The following CADPS2 variants were observed in gnomAD, a reference collection of about 807,000 sequenced individuals.
CADPS2 encodes the protein calcium dependent secretion activator 2, also known as calcium-dependent secretion activator 2.
A neutral mutation model predicts 172.5 loss-of-function variants in CADPS2; 93 were observed. The ratio of observed to expected loss-of-function variants is 0.54; its 90% confidence interval spans 0.46 to 0.64. The LOEUF is 0.64. Among genes scored for constraint, CADPS2 ranks in the 30% least tolerant of loss-of-function variants. The pLI, the probability that CADPS2 is intolerant of heterozygous loss-of-function variation, is 0.00. For missense variants in CADPS2, 1,420 were observed against 1,565.9 expected (o/e 0.91, Z 1.57); for synonymous variants, 546 against 555.2 (o/e 0.98, Z 0.23).
At chr7:122,579,909 A>C (rs1293594707) in intron 7 of CADPS2, among the ~76,000 whole-genome samples, 1 of 152,032 alleles carries the variant, frequency 6.6e-6, no homozygotes, top group Non-Finnish European at 1.5e-5. Context: ...ACAGACTTAC[A>C]AATCCCTAGA....
At chr7:122,880,375 T>C (rs1359004007) in intron 1 of CADPS2, among the ~76,000 whole-genome samples, 1 of 152,212 alleles carries the variant, frequency 6.6e-6, no homozygotes, top group Non-Finnish European at 1.5e-5. Context: ...TAAGTCTAAA[T>C]AAATATGCAC....
intron 1 of CADPS2, among the ~76,000 whole-genome samples, chr7:122,868,062 T>A (rs1400323260): frequency 2.0e-5 from 3 of 152,094 alleles, no homozygotes; most frequent in African/African-American, 7.2e-5. Flanking sequence ...CACTTCTTGA[T>A]CTTTCTTCTC....
At chr7:122,634,191 A>G (rs1428667362) in intron 3 of CADPS2, among the ~76,000 whole-genome samples, 3 of 152,034 alleles carry the variant, frequency 2.0e-5, no homozygotes, top group Non-Finnish European at 2.9e-5. Flanking sequence ...GCTTTGTAGG[A>G]TGAGTTAGGG....
intron 1 of CADPS2, among the ~76,000 whole-genome samples, chr7:122,739,419 A>G (rs1307241627): frequency 6.6e-6 from 1 of 152,168 alleles, no homozygotes; most frequent in Non-Finnish European, 1.5e-5. Flanking sequence ...CAATTTCTAC[A>G]TCATTAGTAT....
intron 2 of CADPS2, among the ~76,000 whole-genome samples, chr7:122,727,455 T>C (rs779675099): frequency 6.6e-6 from 1 of 151,608 alleles, no homozygotes; most frequent in Non-Finnish European, 1.5e-5. Context: ...CCTATATAGA[T>C]GTACTATCCT....
At chr7:122,438,319 G>C in intron 17 of CADPS2, 22 bp downstream of exon 17, 1 of 1,611,866 alleles carries the variant, frequency 6.2e-7, no homozygotes. Context: ...CTGCCACTTC[G>C]ACAATTGCTC....
intron 1 of CADPS2, among the ~76,000 whole-genome samples, chr7:122,814,007 G>A (rs1161974855): frequency 2.6e-5 from 4 of 151,938 alleles, no homozygotes; most frequent in African/African-American, 4.8e-5. Context: ...ATACAAGGAC[G>A]TAAGGGCAAA....
intron 1 of CADPS2, among the ~76,000 whole-genome samples, chr7:122,780,057 C>T (rs1792276445): frequency 6.6e-6 from 1 of 152,036 alleles, no homozygotes; most frequent in African/African-American, 2.4e-5. Context: ...TTGGTTCTTT[C>T]CATAATTTTA....
intron 15 of CADPS2, among the ~76,000 whole-genome samples, chr7:122,446,684 C>T (rs151259454): frequency 7.8e-4 from 119 of 152,274 alleles, no homozygotes; most frequent in Non-Finnish European, 1.3e-3. Flanking sequence ...GAATCATTTG[C>T]AAATAGCTGT....
intron 17 of CADPS2, among the ~76,000 whole-genome samples, chr7:122,427,985 G>A (rs760615899): frequency 8.6e-5 from 13 of 151,850 alleles, no homozygotes; most frequent in Non-Finnish European, 1.5e-4. Context: ...ATAAAGTTTC[G>A]CATGTTTTTA....
intron 1 of CADPS2, among the ~76,000 whole-genome samples, chr7:122,854,188 G>A (rs557381245): frequency 1.7e-4 from 26 of 152,098 alleles, no homozygotes; most frequent in African/African-American, 6.0e-4. Context: ...GGCGAAACCT[G>A]GTCTCCACAA....
At chr7:122,343,924 T>C in intron 28 of CADPS2, among the ~76,000 whole-genome samples, 1 of 152,178 alleles carries the variant, frequency 6.6e-6, no homozygotes, top group Non-Finnish European at 1.5e-5. Context: ...GGATGATAAT[T>C]TTTCTACCCC....
rs896021623 is a variant in CADPS2 at position 122,416,066 on chromosome 7, C to T, written c.2575G>A (p.Ala859Thr). 7.2e-6 allele frequency: 11 copies of T among 1,523,422 alleles called. No individual in the cohort carries two copies. The African/African-American group carries it at 1.2e-4, about 17-fold the overall frequency. 94.4% of individuals were successfully genotyped at this position (1,523,422 alleles called of 1,614,324 possible). The change falls in exon 18 of 30, where the codon GCA becomes ACA. Residue 859 changes from alanine (A) to threonine (T), a missense_variant. Physicochemically the swap from Ala to Thr is moderately conservative, Grantham distance 58 (BLOSUM62 0). Coordinates refer to ENST00000449022, the MANE Select transcript of CADPS2 (RefSeq NM_017954.11). The part of the protein sequence containing the change: ...EVLQQNEEHH[A>T]EGREAFAWWP... ...CAGTGAAAACAGGTCATCACCTCTGCATGATGCTCTTCATTCTGCTGTAAG... is the reference window on the plus strand; with the variant it reads ...CAGTGAAAACAGGTCATCACCTCTGTATGATGCTCTTCATTCTGCTGTAAG...
At chr7:122,783,635 T>C (rs1345347782) in intron 1 of CADPS2, among the ~76,000 whole-genome samples, 1 of 152,216 alleles carries the variant, frequency 6.6e-6, no homozygotes, top group Admixed American at 6.5e-5. Flanking sequence ...AAACAGTTGC[T>C]ACCACGGCCC....
At chr7:122,404,663 T>A (rs2046412244) in intron 20 of CADPS2, among the ~76,000 whole-genome samples, 1 of 152,206 alleles carries the variant, frequency 6.6e-6, no homozygotes, top group Non-Finnish European at 1.5e-5. Context: ...TGTTGTTTCT[T>A]GACTTTTTAA....
At chr7:122,734,356 TAAAAA>T (rs558421546) in intron 2 of CADPS2, among the ~76,000 whole-genome samples, 10 of 46,280 alleles carry the variant, frequency 2.2e-4, no homozygotes, top group East Asian at 1.0e-3. Context: ...CCAGAAATAG[TAAAAA>T]AAAAAAAAAA....
intron 14 of CADPS2, among the ~76,000 whole-genome samples, chr7:122,466,687 C>T (rs531797458): frequency 6.6e-6 from 1 of 152,134 alleles, no homozygotes; most frequent in Non-Finnish European, 1.5e-5. Context: ...AATATTTCAT[C>T]GTTTAAAAAG....
intron 8 of CADPS2, among the ~76,000 whole-genome samples, chr7:122,526,904 C>T (rs2061285021): frequency 1.3e-5 from 2 of 152,180 alleles, no homozygotes; most frequent in Admixed American, 6.5e-5. Context: ...ACTCTATCCT[C>T]ATTGTCCAGC....
intron 8 of CADPS2, among the ~76,000 whole-genome samples, chr7:122,538,498 G>T (rs115153675): frequency 6.7e-6 from 1 of 149,774 alleles, no homozygotes; most frequent in South Asian, 2.1e-4. Context: ...AAAAATTTTC[G>T]TAACATTTAA....
Sources: allele counts gnomAD v4.1 joint callset (sites outside exome capture counted in the v4.1 genomes callset), GRCh38; gene constraint gnomAD v4.1.1; transcripts MANE v1.5; gene names NCBI Gene and HGNC (gene_info 2026-07-23, HGNC 2026-07-21).